Variants in TSHZ2 observed in about 807,000 individuals in gnomAD.
TSHZ2 encodes the protein teashirt homolog 2.
TSHZ2 carries 21 observed loss-of-function variants against 74.4 expected under a neutral mutation model. The observed-to-expected ratio is 0.28, with a 90% confidence interval of 0.20 to 0.41. The LOEUF (loss-of-function observed/expected upper bound fraction) is 0.41. Among genes scored for constraint, TSHZ2 ranks in the 10% least tolerant of loss-of-function variants. TSHZ2 has a pLI of 1.00. For synonymous variants in TSHZ2, 540 were observed against 515.3 expected (o/e 1.05, Z -0.65); for missense variants, 1,244 against 1,293.5 (o/e 0.96, Z 0.59).
chr20:53,482,339 C>T (rs1317921340), intron 2 of TSHZ2, among the ~76,000 whole-genome samples: 1 of 152,126 alleles, frequency 6.6e-6, no homozygotes, highest in African/African-American at 2.4e-5. Flanking sequence ...ATCTCCTGAA[C>T]TGCAGCATTG....
At chr20:53,409,085 A>C (rs761695357) in intron 2 of TSHZ2, among the ~76,000 whole-genome samples, 2 of 152,188 alleles carry the variant, frequency 1.3e-5, no homozygotes, top group Non-Finnish European at 2.9e-5. Context: ...ATGAGCAGTC[A>C]CTGCATGTTT....
chr20:53,286,124 G>T (rs1600789824), intron 2 of TSHZ2, among the ~76,000 whole-genome samples: 1 of 152,180 alleles, frequency 6.6e-6, no homozygotes, highest in African/African-American at 2.4e-5. Flanking sequence ...AATGCCAAAA[G>T]GTTATGTGTT....
intron 2 of TSHZ2, among the ~76,000 whole-genome samples, chr20:53,469,123 CTTATAA>C (rs1985673671): frequency 7.3e-6 from 1 of 137,052 alleles, no homozygotes; most frequent in African/African-American, 2.6e-5. Context: ...TTCGGTTTCA[CTTATAA>C]TTATTCAGAT....
At chr20:53,216,686 C>T (rs1989441641) in intron 1 of TSHZ2, among the ~76,000 whole-genome samples, 3 of 152,220 alleles carry the variant, frequency 2.0e-5, no homozygotes, top group Admixed American at 2.0e-4. Flanking sequence ...CAATGTGTCA[C>T]TCTCTGATTT....
intron 1 of TSHZ2, among the ~76,000 whole-genome samples, chr20:53,252,016 C>G (rs1348324164): frequency 6.6e-6 from 1 of 152,164 alleles, no homozygotes; most frequent in Non-Finnish European, 1.5e-5. Flanking sequence ...TCAGTTTCCC[C>G]CTCTGTGAAA....
chr20:53,222,650 G>A (rs969136309), intron 1 of TSHZ2, among the ~76,000 whole-genome samples: 1 of 152,196 alleles, frequency 6.6e-6, no homozygotes, highest in African/African-American at 2.4e-5. Context: ...AGGAACCATG[G>A]GAACAAGCTG....
chr20:53,175,131 C>CT (rs750453219), intron 1 of TSHZ2, among the ~76,000 whole-genome samples: 1,926 of 63,610 alleles, frequency 0.03, 290 homozygotes, highest in East Asian at 0.29. Context: ...CTTCTTCTTT[C>CT]TTTTTTTTTT....
chr20:53,220,997 G>A (rs1405569323), intron 1 of TSHZ2, among the ~76,000 whole-genome samples: 2 of 152,150 alleles, frequency 1.3e-5, no homozygotes, highest in African/African-American at 4.8e-5. Flanking sequence ...ATCTCATCTT[G>A]AATTTCCCAT....
chr20:53,108,206 G>T (rs1486005129), intron 1 of TSHZ2, among the ~76,000 whole-genome samples: 2 of 152,174 alleles, frequency 1.3e-5, no homozygotes, highest in African/African-American at 2.4e-5. Flanking sequence ...GGATAAAGCA[G>T]CAAAAAGTAG....
At chr20:53,224,579 G>A (rs780651797) in intron 1 of TSHZ2, among the ~76,000 whole-genome samples, 1 of 152,196 alleles carries the variant, frequency 6.6e-6, no homozygotes, top group African/African-American at 2.4e-5. Context: ...GCTGGGTGCG[G>A]TGACTCATGC....
chr20:53,229,419 C>T (rs1167179753), intron 1 of TSHZ2, among the ~76,000 whole-genome samples: 1 of 152,030 alleles, frequency 6.6e-6, no homozygotes, highest in Non-Finnish European at 1.5e-5. Flanking sequence ...AACAATTGGC[C>T]CTCTGTCATA....
At chr20:53,481,043 G>GAA (rs3042259) in intron 2 of TSHZ2, among the ~76,000 whole-genome samples, 29,137 of 151,070 alleles carry the variant, frequency 0.19, 2,981 homozygotes, top group East Asian at 0.3. Flanking sequence ...CAATATATTA[G>GAA]AAAAAAAAAT....
chr20:53,267,047 G>A (rs1396085830), intron 2 of TSHZ2, among the ~76,000 whole-genome samples: 1 of 152,120 alleles, frequency 6.6e-6, no homozygotes, highest in Non-Finnish European at 1.5e-5. Context: ...CAAAGTGCTG[G>A]GATTACAGGC....
At chr20:53,267,016 G>T (rs994885964) in intron 2 of TSHZ2, among the ~76,000 whole-genome samples, 1 of 152,156 alleles carries the variant, frequency 6.6e-6, no homozygotes, top group Non-Finnish European at 1.5e-5. Flanking sequence ...GACCTCAGGT[G>T]ATTTGCCTGC....
chr20:53,357,787 T>G (rs1244694345), intron 2 of TSHZ2, among the ~76,000 whole-genome samples: 1 of 152,188 alleles, frequency 6.6e-6, no homozygotes, highest in Non-Finnish European at 1.5e-5. Flanking sequence ...TCCCTAGATC[T>G]TTGAGCTACC....
At chr20:53,234,022 G>A (rs770831787) in intron 1 of TSHZ2, among the ~76,000 whole-genome samples, 15 of 152,134 alleles carry the variant, frequency 9.9e-5, no homozygotes, top group Admixed American at 3.9e-4. Context: ...GACACAACCC[G>A]GCTGAAAGCA....
At chr20:53,268,188 A>G (rs1438704037) in intron 2 of TSHZ2, among the ~76,000 whole-genome samples, 3 of 152,144 alleles carry the variant, frequency 2.0e-5, no homozygotes, top group Admixed American at 2.0e-4. Flanking sequence ...ACACCTTTCC[A>G]TTTTCATGTT....
chr20:53,234,278 T>A (rs902985784), intron 1 of TSHZ2, among the ~76,000 whole-genome samples: 1 of 152,118 alleles, frequency 6.6e-6, no homozygotes, highest in Non-Finnish European at 1.5e-5. Context: ...AGTGGGTAAG[T>A]TTTGCTCTCC....
Position 53,253,813 on chromosome 20 carries a change from C to G in TSHZ2, c.355C>G (p.His119Asp), listed in dbSNP as rs1253832195. 2.5e-6 allele frequency: 4 copies of G among 1,614,066 alleles called. No individual in the cohort carries two copies. The Admixed American group carries it at 6.7e-5, about 27-fold the overall frequency. ...HTHVRLPNEA[H>D]NCMDKMTAVY... The stretch of plus-strand genomic sequence containing the variant: ...TCACGTCAGGCTTCCAAACGAAGCA[C>G]ACAATTGCATGGATAAAATGACCGC... Residue 119 changes from histidine (H) to aspartate (D), a missense_variant, in exon 2 of 3, where the codon CAC becomes GAC. His to Asp is a moderately conservative substitution (Grantham distance 81). Around this residue, in one of 6 missense-constraint regions of TSHZ2, gnomAD observed 470 missense variants for 456.5 expected, o/e 1.03. Coordinates refer to ENST00000371497, the MANE Select transcript of TSHZ2 (RefSeq NM_173485.6).
Sources: allele counts gnomAD v4.1 joint callset (sites outside exome capture counted in the v4.1 genomes callset), GRCh38; gene constraint gnomAD v4.1.1; regional missense constraint gnomAD v4.1.1; transcripts MANE v1.5; gene names NCBI Gene and HGNC (gene_info 2026-07-23, HGNC 2026-07-21).